The following PIGB variants were observed in gnomAD, a reference collection of about 807,000 sequenced individuals.
PIGB encodes the protein GPI alpha-1,2-mannosyltransferase 3.
In PIGB, 58 loss-of-function variants were observed where a neutral mutation model predicts 68.4. The ratio of observed to expected loss-of-function variants is 0.85; its 90% CI spans 0.69 to 1.06. The LOEUF is 1.06. PIGB is among the 50% of genes least tolerant of loss of function. PIGB has a pLI of 0.00. For synonymous variants in PIGB, 219 were observed against 220.5 expected (o/e 0.99, Z 0.06); for missense variants, 634 against 655.8 (o/e 0.97, Z 0.36).
chr15:55,345,957 A>C (rs932643431), intron 9 of PIGB, among the ~76,000 whole-genome samples: 1 of 152,118 alleles, frequency 6.6e-6, no homozygotes, highest in Non-Finnish European at 1.5e-5. Flanking sequence ...TAACTCAGAT[A>C]TCTCTCTAAT....
rs754335208 is a variant in PIGB at position 55,321,411 on chromosome 15, C to G, written c.417+21C>G. ...TGCTGGTAAGTTTAAATAAAAGTAA[C>G]TAAATGATATTGGGGCCATGGAATT... is the stretch of plus-strand genomic sequence containing the variant. On this transcript the variant is annotated intron_variant, in intron 3 of 11. Transcript: ENST00000164305. 29 of 1,554,984 alleles carry G rather than the reference C, an allele frequency of 1.9e-5. No individual in the cohort carries two copies. The South Asian group carries it at 3.3e-4, about 18-fold the overall frequency.
chr15:55,332,082 A>G (rs891089339), intron 5 of PIGB, among the ~76,000 whole-genome samples: 4 of 151,814 alleles, frequency 2.6e-5, no homozygotes, highest in African/African-American at 9.7e-5. Context: ...GGTTCAAGCA[A>G]TTCTGCTTCA....
intron 5 of PIGB, among the ~76,000 whole-genome samples, 164 bp downstream of exon 5, chr15:55,330,018 A>G: frequency 6.6e-6 from 1 of 152,310 alleles, no homozygotes; most frequent in African/African-American, 2.4e-5. Flanking sequence ...ATACTCAAAC[A>G]GGATAATTAA....
chr15:55,327,108 A>G (rs1000688306), intron 3 of PIGB, among the ~76,000 whole-genome samples: 3 of 151,198 alleles, frequency 2.0e-5, no homozygotes, highest in African/African-American at 2.4e-5. Flanking sequence ...CAATCAATCA[A>G]TATAATAAAA....
intron 9 of PIGB, chr15:55,343,221 G>A (rs989957685): frequency 6.6e-6 from 1 of 152,114 alleles, no homozygotes. Flanking sequence ...TTACTTTACA[G>A]TGTAACCACA....
intron 2 of PIGB, 82 bp downstream of exon 2, chr15:55,320,492 C>T: frequency 7.6e-7 from 1 of 1,315,446 alleles, no homozygotes; most frequent in Non-Finnish European, 1.1e-6. Flanking sequence ...GAGTAGTCCC[C>T]CTTGCTCCCT....
At chr15:55,331,024 A>G (rs2055401083) in intron 5 of PIGB, among the ~76,000 whole-genome samples, 1 of 152,228 alleles carries the variant, frequency 6.6e-6, no homozygotes, top group Non-Finnish European at 1.5e-5. Context: ...GCAGAATCCA[A>G]GGCAGTTTTG....
Position 55,319,296 on chromosome 15 carries a change from G to T in PIGB, c.46G>T (p.Asp16Tyr). 6.2e-7 allele frequency: 1 copy of T among 1,605,596 alleles called. No individual in the cohort carries two copies. Among genetic ancestry groups the T allele is most frequent in the Non-Finnish European group, 8.5e-7 (1 of 1,176,586 alleles). The change falls in exon 1 of 12, where the codon GAT (aspartate) becomes TAT (tyrosine). Residue 16 changes from aspartate (D) to tyrosine (Y), a missense_variant. Coordinates refer to ENST00000164305, the MANE Select transcript of PIGB (RefSeq NM_004855.5). ...SKCGMEPGGG[D>Y]ASLTLHGLQN... ...GTGCGGAATGGAGCCGGGGGGCGGAGATGCCAGCCTCACTTTGCATGGTCT... is the reference window on the plus strand; with the variant it reads ...GTGCGGAATGGAGCCGGGGGGCGGATATGCCAGCCTCACTTTGCATGGTCT...
In PIGB at chr15:55,350,691, T is replaced by G. The variant is rs768303663; in HGVS notation, c.1124-8T>G. The G allele has an allele frequency of 3.8e-6, 6 of 1,571,444 alleles. No individual in the cohort carries two copies. The Admixed American group carries it at 6.7e-5, about 18-fold the overall frequency. On this transcript the variant is annotated splice_polypyrimidine_tract_variant and splice_region_variant and intron_variant, in intron 9 of 11. Coordinates refer to ENST00000164305, the MANE Select transcript of PIGB (RefSeq NM_004855.5). ...GTGTTAAGGTTCAATATGTCTATCT[T>G]CATATAGGATACTCATTAACCCACC...
At chr15:55,343,952 A>G (rs1216907146) in intron 9 of PIGB, among the ~76,000 whole-genome samples, 2 of 152,184 alleles carry the variant, frequency 1.3e-5, no homozygotes, top group East Asian at 3.9e-4. Context: ...AAATCTCTGG[A>G]CATTTAGAAC....
chr15:55,337,213 G>A (rs2055557556), intron 6 of PIGB, among the ~76,000 whole-genome samples: 1 of 152,158 alleles, frequency 6.6e-6, no homozygotes. Flanking sequence ...TGGCTAAAAT[G>A]ATGTGGAACT....
chr15:55,350,867 C>G lies in PIGB; in HGVS notation c.1292C>G (p.Ala431Gly). The stretch of plus-strand genomic sequence containing the variant: ...TACAACAATCCCAATAAATCTTCAG[C>G]TTCAATATTTATAATGATGCCTTGC... Reference protein sequence around the residue: ...VCYNNPNKSSASIFIMMPCHS... With the variant: ...VCYNNPNKSSGSIFIMMPCHS... The change falls in exon 10 of 12, where the codon GCT becomes GGT. Residue 431 changes from alanine (A) to glycine (G), a missense_variant. Physicochemically the swap from Ala to Gly is moderately conservative, Grantham distance 60. Coordinates refer to ENST00000164305, the MANE Select transcript of PIGB (RefSeq NM_004855.5). The G allele has an allele frequency of 6.2e-7, 1 of 1,606,296 alleles. No homozygotes were observed. Among genetic ancestry groups the G allele is most frequent in the Non-Finnish European group, 8.5e-7 (1 of 1,173,312 alleles).
At chr15:55,345,376 C>G (rs1425881124) in intron 9 of PIGB, among the ~76,000 whole-genome samples, 1 of 152,110 alleles carries the variant, frequency 6.6e-6, no homozygotes, top group East Asian at 1.9e-4. Flanking sequence ...TTTATAATGC[C>G]ACTTAAAGGT....
chr15:55,352,657 C>T (rs1212473487), intron 10 of PIGB, among the ~76,000 whole-genome samples: 1 of 152,076 alleles, frequency 6.6e-6, no homozygotes, highest in Non-Finnish European at 1.5e-5. Flanking sequence ...GGTGTTGTGG[C>T]GCATGCCTGT....
intron 5 of PIGB, 35 bp downstream of exon 5, chr15:55,329,889 A>G (rs1167576826): frequency 4.1e-6 from 6 of 1,470,596 alleles, no homozygotes; most frequent in Non-Finnish European, 4.7e-6. Flanking sequence ...TATGTTCAAA[A>G]TTCTACTTTT....
chr15:55,323,675 T>G (rs2055215175), intron 3 of PIGB, among the ~76,000 whole-genome samples: 1 of 152,218 alleles, frequency 6.6e-6, no homozygotes, highest in Non-Finnish European at 1.5e-5. Flanking sequence ...TGATGATGCC[T>G]TAGATATATT....
rs1286895027 is a variant in PIGB at position 55,325,687 on chromosome 15, C to T, written c.418-1844C>T. On this transcript the variant is annotated intron_variant, in intron 3 of 11. Coordinates refer to ENST00000164305, the MANE Select transcript of PIGB (RefSeq NM_004855.5). The stretch of plus-strand genomic sequence containing the variant: ...ATCCTAGCACTTTGGGAGGCTGAGG[C>T]GGGCAGATCACAAGGTCACGAGATC... 5.9e-5 allele frequency among the ~76,000 whole-genome samples: 9 copies of T among 152,214 alleles called. No individual in the cohort carries two copies. The South Asian group carries it at 6.2e-4, about 11-fold the overall frequency.
At chr15:55,341,974 A>G (rs1203617231) in intron 9 of PIGB, among the ~76,000 whole-genome samples, 172 bp downstream of exon 9, 1 of 152,120 alleles carries the variant, frequency 6.6e-6, no homozygotes, top group African/African-American at 2.4e-5. Flanking sequence ...CTTTTTTCCT[A>G]TATCCTCTAA....
chr15:55,322,254 T>C (rs1013231551), intron 3 of PIGB, among the ~76,000 whole-genome samples: 6 of 152,176 alleles, frequency 3.9e-5, no homozygotes, highest in Admixed American at 2.0e-4. Context: ...CCGTGTGATA[T>C]GATTTTATGA....
Sources: allele counts gnomAD v4.1 joint callset (sites outside exome capture counted in the v4.1 genomes callset), GRCh38; gene constraint gnomAD v4.1.1; transcripts MANE v1.5; gene names NCBI Gene and HGNC (gene_info 2026-07-23, HGNC 2026-07-21).